Variants in MCTP2 observed in about 807,000 individuals in gnomAD.
MCTP2 encodes the protein multiple C2 and transmembrane domain containing 2, also known as multiple C2 and transmembrane domain-containing protein 2.
A neutral mutation model predicts 111.6 loss-of-function variants in MCTP2; 132 were observed. That is an observed-to-expected ratio of 1.18 (90% confidence interval 1.03 to 1.37). MCTP2 has a LOEUF of 1.37. Ranked by LOEUF, MCTP2 falls within the 40% of genes most tolerant of loss-of-function variation. The pLI, the probability that MCTP2 is intolerant of heterozygous loss-of-function variation, is 0.00. For synonymous variants in MCTP2, 395 were observed against 387.7 expected, an observed-to-expected ratio of 1.02 and a Z score of -0.22; for missense variants, 1,183 against 1,067.9, an observed-to-expected ratio of 1.11 and a Z score of -1.50.
intron 1 of MCTP2, among the ~76,000 whole-genome samples, chr15:94,294,108 T>C (rs1176120993): frequency 6.6e-6 from 1 of 152,200 alleles, no homozygotes; most frequent in African/African-American, 2.4e-5. Context: ...AAGAAGCCTG[T>C]CTCTAAAAGT....
chr15:94,443,328 T>C (rs2083898415), intron 19 of MCTP2, among the ~76,000 whole-genome samples: 2 of 152,156 alleles, frequency 1.3e-5, no homozygotes, highest in African/African-American at 4.8e-5. Context: ...CTCTGTGGGG[T>C]GGTCACCCAC....
At chr15:94,319,838 T>C (rs763721721) in intron 4 of MCTP2, among the ~76,000 whole-genome samples, 17 of 152,252 alleles carry the variant, frequency 1.1e-4, no homozygotes, top group Non-Finnish European at 1.8e-4. Flanking sequence ...AAGTACTAAC[T>C]ATAACATGTT....
intron 1 of MCTP2, among the ~76,000 whole-genome samples, chr15:94,265,437 G>A (rs542710115): frequency 2.0e-5 from 3 of 152,208 alleles, no homozygotes; most frequent in African/African-American, 4.8e-5. Context: ...TTGGTTCATG[G>A]CACTCTATTA....
intron 8 of MCTP2, among the ~76,000 whole-genome samples, chr15:94,354,366 C>T (rs1329363634): frequency 6.6e-6 from 1 of 152,100 alleles, no homozygotes; most frequent in Non-Finnish European, 1.5e-5. Flanking sequence ...AGGGAAAGAC[C>T]AGGTGGAAGT....
intron 1 of MCTP2, among the ~76,000 whole-genome samples, chr15:94,286,214 C>T (rs796617390): frequency 3.3e-5 from 5 of 152,142 alleles, no homozygotes; most frequent in African/African-American, 1.2e-4. Flanking sequence ...TTAAATGCAC[C>T]AAGGTATATA....
At chr15:94,299,019 C>A (rs2075460753) in intron 2 of MCTP2, among the ~76,000 whole-genome samples, 1 of 113,600 alleles carries the variant, frequency 8.8e-6, no homozygotes, top group East Asian at 2.7e-4. Flanking sequence ...CCCTCTCTCC[C>A]TCCCTCTCTC....
rs17712708 is a variant in MCTP2 at position 94,337,616 on chromosome 15, G to T, written c.638-1674G>T. On this transcript the variant is annotated intron_variant, in intron 4 of 22. Coordinates refer to ENST00000357742, the MANE Select transcript of MCTP2 (RefSeq NM_001385001.1). ...TCACTAGTGAGCATTTCACTGAATGGCTGTGAATGCATTCATTTTTACTGT... is the reference window on the plus strand; with the variant it reads ...TCACTAGTGAGCATTTCACTGAATGTCTGTGAATGCATTCATTTTTACTGT... Among the ~76,000 whole-genome samples, 912 of 150,742 alleles carry T rather than the reference G, an allele frequency of 6.1e-3. 25 individuals carry two copies. Among genetic ancestry groups the T allele is most frequent in the Admixed American group, 0.046 (702 of 15,122 alleles).
chr15:94,358,277 T>TG (rs1454417615), intron 9 of MCTP2, among the ~76,000 whole-genome samples: 3 of 152,150 alleles, frequency 2.0e-5, no homozygotes, highest in African/African-American at 7.2e-5. Flanking sequence ...TTATTGGATC[T>TG]GGGGGGCAGC....
chr15:94,393,103 A>T (rs551159048), intron 14 of MCTP2, among the ~76,000 whole-genome samples: 7 of 152,316 alleles, frequency 4.6e-5, no homozygotes, highest in African/African-American at 7.2e-5. Context: ...AATAATATGT[A>T]TTATCTATGA....
At chr15:94,390,058 A>AAG (rs1397178018) in intron 14 of MCTP2, among the ~76,000 whole-genome samples, 1 of 22,912 alleles carries the variant, frequency 4.4e-5, no homozygotes, top group Non-Finnish European at 1.0e-4. Context: ...GCATATATAT[A>AAG]TATATATATA....
rs879105683 is a variant in MCTP2 at position 94,476,926 on chromosome 15, G to A, written c.2568+133G>A. The A allele has an allele frequency of 2.0e-5, 12 of 598,522 alleles. No homozygotes were observed. In the South Asian group the frequency reaches 2.3e-4, roughly 11 times the overall value. The allele number at this position is 598,522 out of a possible 1,614,324, so 37.1% of individuals were successfully genotyped here. Reference sequence around the variant, plus strand: ...ACCAGAAAATCCTTAAAGAGGCCTGGCTTGCAGAGAAGTGGCAGAAAAATC... The same window carrying A: ...ACCAGAAAATCCTTAAAGAGGCCTGACTTGCAGAGAAGTGGCAGAAAAATC... On this transcript the variant is annotated intron_variant, in intron 22 of 22. Coordinates refer to ENST00000357742, the MANE Select transcript of MCTP2 (RefSeq NM_001385001.1).
At chr15:94,440,913 T>C (rs1002733462) in intron 18 of MCTP2, among the ~76,000 whole-genome samples, 1 of 152,176 alleles carries the variant, frequency 6.6e-6, no homozygotes, top group African/African-American at 2.4e-5. Context: ...ACTTCCACTC[T>C]GACTCTCCTG....
rs867323407 is a variant in MCTP2 at position 94,284,708 on chromosome 15, A to G, written c.-65-13493A>G. On this transcript the variant is annotated intron_variant, in intron 1 of 22. Coordinates refer to ENST00000357742, the MANE Select transcript of MCTP2 (RefSeq NM_001385001.1). Reference sequence around the variant, plus strand: ...GGGAATGGTGGGAAAGTCTTCACAGAGATGTTCATAGGCAGTGTGATTGCA... The same window carrying G: ...GGGAATGGTGGGAAAGTCTTCACAGGGATGTTCATAGGCAGTGTGATTGCA... 3.3e-5 allele frequency among the ~76,000 whole-genome samples: 5 copies of G among 152,310 alleles called. No individual in the cohort carries two copies. In the Middle Eastern group the frequency reaches 0.017, roughly 518 times the overall value.
At chr15:94,442,589 C>G (rs370660060) in intron 18 of MCTP2, among the ~76,000 whole-genome samples, 27 of 152,308 alleles carry the variant, frequency 1.8e-4, no homozygotes, top group African/African-American at 6.3e-4. Context: ...TCAGCCTTAA[C>G]GTAGCAGTTG....
intron 17 of MCTP2, among the ~76,000 whole-genome samples, chr15:94,438,761 TATAAAGA>T (rs1469241940): frequency 6.6e-6 from 1 of 152,188 alleles, no homozygotes; most frequent in African/African-American, 2.4e-5. Flanking sequence ...ATTTCAAAGA[TATAAAGA>T]ATAATGATCA....
At chr15:94,365,977 A>G (rs2079162113) in intron 10 of MCTP2, among the ~76,000 whole-genome samples, 1 of 152,208 alleles carries the variant, frequency 6.6e-6, no homozygotes, top group Admixed American at 6.5e-5. Context: ...AATGCTTAGC[A>G]AAGTATTCCG....
intron 17 of MCTP2, among the ~76,000 whole-genome samples, chr15:94,430,073 T>A (rs1197916499): frequency 6.6e-6 from 1 of 152,238 alleles, no homozygotes; most frequent in Non-Finnish European, 1.5e-5. Context: ...TAGGCCACAA[T>A]TAACTCTAAC....
chr15:94,475,502 G>C (rs924407819), intron 21 of MCTP2, among the ~76,000 whole-genome samples: 2 of 152,212 alleles, frequency 1.3e-5, no homozygotes, highest in Admixed American at 1.3e-4. Context: ...AACCCTTTGT[G>C]TGTTGGGGAC....
chr15:94,399,972 G>C lies in MCTP2; in HGVS notation c.1942G>C (p.Asp648His). Residue 648 changes from aspartate to histidine, a missense_variant, in exon 16 of 23, where the codon GAC (aspartate) becomes CAC (histidine). Coordinates refer to ENST00000357742, the MANE Select transcript of MCTP2 (RefSeq NM_001385001.1). ...FTPREKRFVE[D>H]SRKLSKKILS... is the part of the protein sequence containing the mutation. ...TCCCCGGGAAAAGCGCTTTGTTGAA[G>C]ACAGCCGCAAGCTGTCCAAAAAGGT... 6.2e-7 allele frequency: 1 copy of C among 1,614,002 alleles called. No homozygotes were observed. Among genetic ancestry groups the C allele is most frequent in the Non-Finnish European group, 8.5e-7 (1 of 1,179,896 alleles).
Sources: gnomAD v4.1 joint callset for allele counts (sites outside exome capture counted in the v4.1 genomes callset) on GRCh38, gnomAD v4.1.1 for gene constraint, MANE v1.5 for transcripts, NCBI Gene and HGNC (gene_info 2026-07-23, HGNC 2026-07-21) for gene names.